EPN1: variants seen among roughly 807,000 people sequenced by gnomAD.
EPN1 encodes epsin-1.
In EPN1, 25 loss-of-function variants were observed where a neutral mutation model predicts 56.9. The ratio of observed to expected loss-of-function variants is 0.44; its 90% CI spans 0.32 to 0.61. The LOEUF (loss-of-function observed/expected upper bound fraction) is 0.61. Among genes scored for constraint, EPN1 ranks in the 20% least tolerant of loss-of-function variants. EPN1 has a pLI of 0.05. For synonymous variants in EPN1, 411 were observed against 361.8 expected, an observed-to-expected ratio of 1.14 and a Z score of -1.54; for missense variants, 785 against 823.7, an observed-to-expected ratio of 0.95 and a Z score of 0.58.
rs1480334209 is a variant in EPN1, at chr19:55,705,829, TTA to T, written c.*10474_*10475del. 3 of 72,946 alleles carry T rather than the reference TTA, an allele frequency of 4.1e-5. No homozygotes were observed. Among genetic ancestry groups the T allele is most frequent in the African/African-American group, 1.8e-4 (2 of 11,338 alleles). 4.5% of individuals were successfully genotyped at this position (72,946 alleles called of 1,614,324 possible). A position where few individuals can be genotyped will look rare whatever the true frequency, so the allele number is the denominator to read the frequency against. ...GTGGGATATATATATATATATATAT[TTA>T]GAGTGTTGTGGGATATATATATATA... On this transcript the variant is annotated 3_prime_UTR_variant, in exon 11 of 11. Transcript: ENST00000270460.
At position 55,694,629 on chromosome 19, in the gene EPN1, G is replaced by T. The variant is rs1206735843; in HGVS notation, c.1265-97G>T. ...CCTTCCCGAGGCCTCTGGGCACCGG[G>T]CTCTTTGAAGCGCCCCCTATGATGG... On this transcript the variant is annotated intron_variant, in intron 9 of 10. Coordinates refer to ENST00000270460, the MANE Select transcript of EPN1 (RefSeq NM_001130072.2). This position sits in a 1 kb window ranked among gnomAD's most constrained non-coding sequence, Gnocchi z 4.2. 8.5e-6 allele frequency: 12 copies of T among 1,410,330 alleles called. No homozygotes were observed. Among genetic ancestry groups the T allele is most frequent in the Non-Finnish European group, 1.0e-5 (11 of 1,072,980 alleles). The allele number at this position is 1,410,330 out of a possible 1,614,324, so 87.4% of individuals were successfully genotyped here. A position where few individuals can be genotyped will look rare whatever the true frequency, so the allele number is the denominator to read the frequency against.
In EPN1 at chr19:55,697,185, T is replaced by G. The variant is rs1568584508; in HGVS notation, c.*1829T>G. 6.6e-6 allele frequency: 1 copy of G among 152,176 alleles called. No homozygotes were observed. The highest frequency in any genetic ancestry group is 2.4e-5 in the African/African-American group (1 of 41,406). The allele number at this position is 152,176 out of a possible 1,614,324, so 9.4% of individuals were successfully genotyped here. A position where few individuals can be genotyped will look rare whatever the true frequency, so the allele number is the denominator to read the frequency against. ...TCCCCAGGCAGCAGCAAGCGTCCCT[T>G]ACGCTTGGGCTGTCCGAGACCCTGC... On this transcript the variant is annotated 3_prime_UTR_variant, in exon 11 of 11. Coordinates refer to ENST00000270460, the MANE Select transcript of EPN1 (RefSeq NM_001130072.2).
rs77635294 is a variant in EPN1, at chr19:55,677,602, A to C, written c.-101-925A>C. On this transcript the variant is annotated intron_variant, in intron 1 of 10. Coordinates refer to ENST00000270460, the MANE Select transcript of EPN1 (RefSeq NM_001130072.2). ...AAAAGGTAATGTCCCTCTTGTGCTG[A>C]GCGAGCACCTGGCACACAGCAGGGA... The C allele has an allele frequency of 3.1e-3, 4,854 of 1,551,318 alleles. 12 individuals carry two copies. Among genetic ancestry groups the C allele is most frequent in the Non-Finnish European group, 3.9e-3 (4,459 of 1,146,808 alleles).
chr19:55,685,833 T>G (rs1360196394), intron 3 of EPN1, among the ~76,000 whole-genome samples, 188 bp downstream of exon 3: 1 of 152,220 alleles, frequency 6.6e-6, no homozygotes, highest in Non-Finnish European at 1.5e-5. Context: ...GCACCTCCCA[T>G]GCAGCAGCTC....
In EPN1 at chr19:55,694,491, C is replaced by T. The variant is rs1190082368; in HGVS notation, c.1265-235C>T. 2 of 445,016 alleles carry T rather than the reference C, an allele frequency of 4.5e-6. No homozygotes were observed. The highest frequency in any genetic ancestry group is 7.8e-6 in the Non-Finnish European group (2 of 257,622). The allele number at this position is 445,016 out of a possible 1,614,324, so 27.6% of individuals were successfully genotyped here. A position where few individuals can be genotyped will look rare whatever the true frequency, so the allele number is the denominator to read the frequency against. On this transcript the variant is annotated intron_variant, in intron 9 of 10. Transcript: ENST00000270460. This position sits in a 1 kb window ranked among gnomAD's most constrained non-coding sequence, Gnocchi z 4.2. The stretch of plus-strand genomic sequence containing the variant: ...GGTTGTCAGAGGGTGACACCTGCTT[C>T]TGTCATCCCTCTTGTGTTTGCTCAC...
In EPN1 at chr19:55,703,011, G is replaced by C. The variant is rs1383547193; in HGVS notation, c.*7655G>C. ...AGACGGGGTTTCACCGTGTTAGCCAGGATGGTCTCAATCTGACCTTGTGAT... is the reference window on the plus strand; with the variant it reads ...AGACGGGGTTTCACCGTGTTAGCCACGATGGTCTCAATCTGACCTTGTGAT... On this transcript the variant is annotated 3_prime_UTR_variant, in exon 11 of 11. Transcript: ENST00000270460. 6.6e-6 allele frequency: 1 copy of C among 152,166 alleles called. No homozygotes were observed. The highest frequency in any genetic ancestry group is 2.4e-5 in the African/African-American group (1 of 41,414). 9.4% of individuals were successfully genotyped at this position (152,166 alleles called of 1,614,324 possible).
At chr19:55,684,099 C>T (rs928304523) in intron 2 of EPN1, among the ~76,000 whole-genome samples, 7 of 152,236 alleles carry the variant, frequency 4.6e-5, no homozygotes, top group Admixed American at 3.3e-4. Flanking sequence ...CCTTGAGGGC[C>T]GGTTAAAGAC....
rs1987459647 is a variant in EPN1, at chr19:55,707,116, G to GGCTGCAGTGAGCCGAGATTGTGCC, written c.*11761_*11784dup. ...GAATCACTTGAACCCAGGAGACGGAGGCTGCAGTGAGCCGAGATTGTGCCA... is the reference window on the plus strand; with the variant it reads ...GAATCACTTGAACCCAGGAGACGGAGGCTGCAGTGAGCCGAGATTGTGCCGCTGCAGTGAGCCGAGATTGTGCCA... On this transcript the variant is annotated 3_prime_UTR_variant, in exon 11 of 11. Transcript: ENST00000270460. 1 of 152,082 alleles carries GGCTGCAGTGAGCCGAGATTGTGCC rather than the reference G, an allele frequency of 6.6e-6. No individual in the cohort carries two copies. Among genetic ancestry groups the GGCTGCAGTGAGCCGAGATTGTGCC allele is most frequent in the South Asian group, 2.1e-4 (1 of 4,810 alleles). 9.4% of individuals were successfully genotyped at this position (152,082 alleles called of 1,614,324 possible). A position where few individuals can be genotyped will look rare whatever the true frequency, so the allele number is the denominator to read the frequency against.
At chr19:55,688,767 G>T (rs913040038) in intron 3 of EPN1, 103 bp from the exon 4 acceptor site, 5 of 1,495,986 alleles carry the variant, frequency 3.3e-6, no homozygotes, top group Admixed American at 2.0e-5. Flanking sequence ...GGGGGACTTG[G>T]GGGGTGGGGT....
At chr19:55,682,570 C>T (rs1985887124) in intron 2 of EPN1, among the ~76,000 whole-genome samples, 1 of 152,078 alleles carries the variant, frequency 6.6e-6, no homozygotes. Context: ...ACGCATGTGC[C>T]ACCACGCCTA....
At position 55,685,445 on chromosome 19, in the gene EPN1, C is replaced by T. The variant is rs371011162; in HGVS notation, c.278C>T (p.Ser93Leu). Residue 93 changes from serine (S) to leucine (L), a missense_variant, in exon 3 of 11, where the codon TCG becomes TTG. Coordinates refer to ENST00000270460, the MANE Select transcript of EPN1 (RefSeq NM_001130072.2). Reference sequence around the variant, plus strand: ...ATCAAGACCGGCTCGGAGCGCGTGTCGCAGCAGTGCAAGGAGAACATGTAC... The same window carrying T: ...ATCAAGACCGGCTCGGAGCGCGTGTTGCAGCAGTGCAAGGAGAACATGTAC... ...YLIKTGSERV[S>L]QQCKENMYAV... The T allele has an allele frequency of 1.1e-5, 18 of 1,610,444 alleles. No individual in the cohort carries two copies. Among genetic ancestry groups the T allele is most frequent in the Middle Eastern group, 1.6e-4 (1 of 6,082 alleles).
chr19:55,706,283 C>CTTTTTTTTTTTTTTTTTTTTT lies in EPN1; in HGVS notation c.*10943_*10944insTTTTTTTTTTTTTTTTTTTTT, dbSNP rs933101353. ...CTTCCTTTCTTCTCTTTTTCTTCTT[C>CTTTTTTTTTTTTTTTTTTTTT]TTTTTTTTTTTTTTTTAAAAGACCG... On this transcript the variant is annotated 3_prime_UTR_variant, in exon 11 of 11. Coordinates refer to ENST00000270460, the MANE Select transcript of EPN1 (RefSeq NM_001130072.2). 1 of 118,340 alleles carries CTTTTTTTTTTTTTTTTTTTTT rather than the reference C, an allele frequency of 8.5e-6. No homozygotes were observed. Among genetic ancestry groups the CTTTTTTTTTTTTTTTTTTTTT allele is most frequent in the African/African-American group, 3.3e-5 (1 of 30,418 alleles). The allele number at this position is 118,340 out of a possible 1,614,324, so 7.3% of individuals were successfully genotyped here.
chr19:55,708,963 T>G lies in EPN1; in HGVS notation c.*13607T>G, dbSNP rs765268448. 5.7e-6 allele frequency: 9 copies of G among 1,590,368 alleles called. No individual in the cohort carries two copies. Among genetic ancestry groups the G allele is most frequent in the East Asian group, 2.3e-5 (1 of 43,096 alleles). On this transcript the variant is annotated 3_prime_UTR_variant, in exon 11 of 11. Transcript: ENST00000270460. ...ATTCCTCGTCAATCCAAGGTCCATG[T>G]GAAATGGTCAGATGGGGAATTTTTT...
At chr19:55,685,759 C>T (rs1986129921) in intron 3 of EPN1, 114 bp downstream of exon 3, 7 of 1,367,320 alleles carry the variant, frequency 5.1e-6, no homozygotes, top group Admixed American at 2.1e-5. Flanking sequence ...CCGCGGCATC[C>T]CCCTTTGCTT....
At position 55,685,441 on chromosome 19, in the gene EPN1, G is replaced by T; in HGVS notation, c.274G>T (p.Val92Leu). 2.5e-6 allele frequency: 4 copies of T among 1,610,424 alleles called. No individual in the cohort carries two copies. Among genetic ancestry groups the T allele is most frequent in the Non-Finnish European group, 3.4e-6 (4 of 1,178,722 alleles). Residue 92 changes from valine to leucine, a missense_variant, in exon 3 of 11, where the codon GTG (valine) becomes TTG (leucine). Transcript: ENST00000270460. ...CCTCATCAAGACCGGCTCGGAGCGC[G>T]TGTCGCAGCAGTGCAAGGAGAACAT... is the stretch of plus-strand genomic sequence containing the variant. The part of the protein sequence containing the change: ...EYLIKTGSER[V>L]SQQCKENMYA...
At chr19:55,688,786 G>C in intron 3 of EPN1, 84 bp from the exon 4 acceptor site, 1 of 1,535,364 alleles carries the variant, frequency 6.5e-7, no homozygotes, top group Non-Finnish European at 8.8e-7. Flanking sequence ...GTTGGACACA[G>C]AAGCCCCCGT....
rs1343920013 is a variant in EPN1 at position 55,689,196 on chromosome 19, C to A, written c.604-101C>A. The stretch of plus-strand genomic sequence containing the variant: ...TGCCTGTCCCTCACTGGTTCAGGGA[C>A]CCCCAGCCCTCTCTTTCTTCGGCTC... On this transcript the variant is annotated intron_variant, in intron 4 of 10. Transcript: ENST00000270460. The surrounding 1 kb of genome is among the most constrained non-coding windows in gnomAD (Gnocchi z 5.7). 7.0e-6 allele frequency: 8 copies of A among 1,141,496 alleles called. No homozygotes were observed. In the East Asian group the frequency reaches 1.8e-4, roughly 26 times the overall value. The allele number at this position is 1,141,496 out of a possible 1,614,324, so 70.7% of individuals were successfully genotyped here.
intron 3 of EPN1, among the ~76,000 whole-genome samples, chr19:55,686,042 G>A (rs1244891860): frequency 1.3e-5 from 2 of 152,232 alleles, no homozygotes; most frequent in Non-Finnish European, 2.9e-5. Flanking sequence ...AGGCAGAGGG[G>A]GGCCTGGAAG....
Position 55,709,340 on chromosome 19 carries a change from T to G in EPN1, c.*13984T>G. ...ATAACTTCCATTCATCTGATGTTCATATGCCCTGGCACATCTATTGCTTCT... is the reference window on the plus strand; with the variant it reads ...ATAACTTCCATTCATCTGATGTTCAGATGCCCTGGCACATCTATTGCTTCT... On this transcript the variant is annotated 3_prime_UTR_variant, in exon 11 of 11. Coordinates refer to ENST00000270460, the MANE Select transcript of EPN1 (RefSeq NM_001130072.2). The G allele has an allele frequency of 5.4e-6, 1 of 185,950 alleles. No individual in the cohort carries two copies. The highest frequency in any genetic ancestry group is 1.4e-4 in the East Asian group (1 of 7,132). The allele number at this position is 185,950 out of a possible 1,614,324, so 11.5% of individuals were successfully genotyped here.
Sources: allele counts gnomAD v4.1 joint callset (sites outside exome capture counted in the v4.1 genomes callset), GRCh38; gene constraint gnomAD v4.1.1; non-coding constraint Gnocchi (gnomAD v3.1); transcripts MANE v1.5; gene names NCBI Gene and HGNC (gene_info 2026-07-23, HGNC 2026-07-21).